Variants in CLIP1 observed in about 807,000 individuals in gnomAD.
CLIP1 encodes CAP-Gly domain containing linker protein 1.
A neutral mutation model predicts 161.6 loss-of-function variants in CLIP1; 66 were observed. The ratio of observed to expected loss-of-function variants is 0.41; its 90% CI spans 0.33 to 0.50. The LOEUF is 0.50. Among genes scored for constraint, CLIP1 ranks in the 20% least tolerant of loss-of-function variants. The pLI is 0.27. For missense variants in CLIP1, 1,376 were observed against 1,702.0 expected (o/e 0.81, Z 3.37); for synonymous variants, 598 against 626.2 (o/e 0.96, Z 0.67).
At chr12:122,341,831 T>A (rs1256202254) in intron 10 of CLIP1, 134 bp from the exon 11 acceptor site, 1 of 548,838 alleles carries the variant, frequency 1.8e-6, no homozygotes, top group Non-Finnish European at 2.8e-6. Context: ...TTACCCAGGC[T>A]GGAGTACAAT....
intron 1 of CLIP1, among the ~76,000 whole-genome samples, chr12:122,414,310 G>C (rs1956649031): frequency 6.6e-6 from 1 of 151,762 alleles, no homozygotes; most frequent in South Asian, 2.1e-4. Flanking sequence ...ATCATATTCA[G>C]CTAGTTTTTT....
At chr12:122,322,644 C>G (rs1247666563) in intron 17 of CLIP1, 1 of 152,690 alleles carries the variant, frequency 6.5e-6, no homozygotes, top group Non-Finnish European at 1.5e-5. Context: ...ACTCTTAACT[C>G]CTCCACCTCC....
chr12:122,337,445 CAAA>C (rs1163606204), intron 11 of CLIP1, among the ~76,000 whole-genome samples: 3 of 70,924 alleles, frequency 4.2e-5, no homozygotes, highest in Non-Finnish European at 8.5e-5. Context: ...GACTCTGCCT[CAAA>C]AAAAAAAAAA....
chr12:122,301,246 G>C (rs1950664928), intron 20 of CLIP1, among the ~76,000 whole-genome samples: 1 of 152,168 alleles, frequency 6.6e-6, no homozygotes, highest in Admixed American at 6.6e-5. Flanking sequence ...TAATACTGTT[G>C]TATCGAGGTT....
chr12:122,409,279 C>A (rs1956440795), intron 1 of CLIP1, among the ~76,000 whole-genome samples: 2 of 151,154 alleles, frequency 1.3e-5, no homozygotes, highest in East Asian at 3.9e-4. Flanking sequence ...GCATGCGCAA[C>A]CACGCCCAGC....
At chr12:122,285,617 G>A (rs1467300793) in intron 21 of CLIP1, among the ~76,000 whole-genome samples, 2 of 151,172 alleles carry the variant, frequency 1.3e-5, no homozygotes, top group Non-Finnish European at 2.9e-5. Context: ...GGGATTACAG[G>A]CGTGAGCCAC....
At chr12:122,338,198 C>T (rs1231120373) in intron 11 of CLIP1, among the ~76,000 whole-genome samples, 6 of 151,656 alleles carry the variant, frequency 4.0e-5, no homozygotes, top group African/African-American at 7.3e-5. Flanking sequence ...ATTAGCCAGG[C>T]GTGGTGGCAC....
intron 10 of CLIP1, among the ~76,000 whole-genome samples, chr12:122,345,097 C>T (rs931270572): frequency 2.0e-5 from 3 of 151,940 alleles, no homozygotes; most frequent in African/African-American, 4.8e-5. Context: ...ACTAAAGGAA[C>T]TCAATCTCAT....
chr12:122,309,541 G>C (rs2136504104), intron 20 of CLIP1, among the ~76,000 whole-genome samples: 1 of 152,300 alleles, frequency 6.6e-6, no homozygotes, highest in Non-Finnish European at 1.5e-5. Context: ...GCAAGTTCCA[G>C]TGTTCTGTGT....
intron 1 of CLIP1, among the ~76,000 whole-genome samples, chr12:122,390,321 A>ATATATATTT (rs1955602011): frequency 8.3e-6 from 1 of 121,138 alleles, no homozygotes; most frequent in Non-Finnish European, 1.7e-5. Context: ...TATATATATT[A>ATATATATTT]TTTTTTTTTT....
At chr12:122,389,309 A>G (rs1306845291) in intron 1 of CLIP1, among the ~76,000 whole-genome samples, 1 of 152,230 alleles carries the variant, frequency 6.6e-6, no homozygotes, top group African/African-American at 2.4e-5. Context: ...AGCACTTTAT[A>G]AACAATGTTT....
intron 1 of CLIP1, among the ~76,000 whole-genome samples, chr12:122,384,854 C>T (rs1277447800): frequency 6.8e-6 from 1 of 146,436 alleles, no homozygotes; most frequent in Non-Finnish European, 1.5e-5. Context: ...GGCACAGGCA[C>T]AAAGAAGATA....
Position 122,380,434 on chromosome 12 carries a change from T to G in CLIP1, c.19A>C (p.Ser7Arg). 1.2e-6 allele frequency: 2 copies of G among 1,613,026 alleles called. No individual in the cohort carries two copies. Among genetic ancestry groups the G allele is most frequent in the South Asian group, 2.2e-5 (2 of 90,984 alleles). Reference protein sequence around the residue: MSMLKPSGLKAPTKILK... With the variant: MSMLKPRGLKAPTKILK... Reference sequence around the variant, plus strand: ...ATCTTGGTGGGGGCCTTAAGCCCACTTGGCTTTAGCATACTCATTTTCTTT... The same window carrying G: ...ATCTTGGTGGGGGCCTTAAGCCCACGTGGCTTTAGCATACTCATTTTCTTT... The change falls in exon 2 of 26, where the codon AGT (serine) becomes CGT (arginine). Residue 7 changes from serine (S) to arginine (R), a missense_variant. By Grantham distance (110) the Ser-to-Arg change is moderately radical. Coordinates refer to ENST00000620786, the MANE Select transcript of CLIP1 (RefSeq NM_001247997.2).
In CLIP1 at chr12:122,289,038, G is replaced by A. The variant is rs1024724996; in HGVS notation, c.3595-497C>T. Among the ~76,000 whole-genome samples, 31 of 150,498 alleles carry A rather than the reference G, an allele frequency of 2.1e-4. No individual in the cohort carries two copies. In the East Asian group the frequency reaches 5.9e-3, roughly 29 times the overall value. On this transcript the variant is annotated intron_variant, in intron 20 of 25. Transcript: ENST00000620786. ...TCACCGTCTTAGCCAGGATGGTCTC[G>A]ATCTCCTGACCTTGTGATCCGCCCG...
In CLIP1 at chr12:122,384,932, G is replaced by A. The variant is rs573539242; in HGVS notation, c.-106-4374C>T. On this transcript the variant is annotated intron_variant, in intron 1 of 25. Transcript: ENST00000620786. ...CTGGAAGGGAAACAAGTGAGTTGAT[G>A]GTAATTTTTTTTTTTTTTTTTGAGA... Among the ~76,000 whole-genome samples the A allele has an allele frequency of 1.1e-3, 162 of 148,394 alleles. 4 individuals are homozygous for A. The highest frequency in any genetic ancestry group is 1.3e-4 in the Non-Finnish European group (9 of 67,480).
intron 15 of CLIP1, among the ~76,000 whole-genome samples, chr12:122,331,335 G>C (rs897459266): frequency 6.6e-6 from 1 of 151,374 alleles, no homozygotes; most frequent in African/African-American, 2.4e-5. Context: ...ATTTTTTTGA[G>C]ACGGAGTCTA....
Position 122,315,854 on chromosome 12 carries a change from G to A in CLIP1, c.3473+895C>T, listed in dbSNP as rs1274348925. Among the ~76,000 whole-genome samples, 3 of 151,798 alleles carry A rather than the reference G, an allele frequency of 2.0e-5. No homozygotes were observed. In the East Asian group the frequency reaches 5.8e-4, roughly 30 times the overall value. ...GACGGGGTTTCACCGTGTTAGCCAG[G>A]ATGGTCTCAATCTCCTGACTTCGTG... On this transcript the variant is annotated intron_variant, in intron 19 of 25. Coordinates refer to ENST00000620786, the MANE Select transcript of CLIP1 (RefSeq NM_001247997.2).
intron 24 of CLIP1, chr12:122,276,696 A>G: frequency 3.2e-6 from 1 of 315,362 alleles, no homozygotes; most frequent in South Asian, 2.6e-5. Context: ...AATTTTGAAC[A>G]TGACTAATAC....
At chr12:122,348,759 G>A (rs1451589262) in intron 9 of CLIP1, among the ~76,000 whole-genome samples, 1 of 152,078 alleles carries the variant, frequency 6.6e-6, no homozygotes, top group East Asian at 1.9e-4. Flanking sequence ...ATACTTTGTG[G>A]TACTAATTGA....
Sources: gnomAD v4.1 joint callset for allele counts (sites outside exome capture counted in the v4.1 genomes callset) on GRCh38, gnomAD v4.1.1 for gene constraint, MANE v1.5 for transcripts, NCBI Gene and HGNC (gene_info 2026-07-23, HGNC 2026-07-21) for gene names.